The following RFC3 variants were observed in gnomAD, a reference collection of about 807,000 sequenced individuals.
The protein encoded by RFC3 is A1 38 kDa subunit.
A neutral mutation model predicts 45.1 loss-of-function variants in RFC3; 41 were observed. The ratio of observed to expected loss-of-function variants is 0.91; its 90% CI spans 0.71 to 1.18. RFC3 has a LOEUF of 1.18. Ranked by LOEUF, RFC3 falls within the 50% of genes most tolerant of loss-of-function variation. RFC3 has a pLI of 0.00. For missense variants in RFC3, 423 were observed against 428.1 expected, an observed-to-expected ratio of 0.99 and a Z score of 0.10; for synonymous variants, 149 against 144.0, an observed-to-expected ratio of 1.03 and a Z score of -0.25.
intron 8 of RFC3, among the ~76,000 whole-genome samples, chr13:33,943,380 C>G (rs2082936271): frequency 6.6e-6 from 1 of 152,156 alleles, no homozygotes; most frequent in Admixed American, 6.5e-5. Flanking sequence ...TGACTTAAAA[C>G]ATCATACATA....
intron 8 of RFC3, among the ~76,000 whole-genome samples, chr13:33,935,250 T>C (rs998875035): frequency 3.9e-5 from 6 of 152,066 alleles, no homozygotes; most frequent in African/African-American, 1.4e-4. Context: ...AACTGGAAAA[T>C]GTAAAAATGC....
downstream of RFC3, among the ~76,000 whole-genome samples, chr13:33,840,988 G>A (rs2082194238): frequency 6.6e-6 from 1 of 152,184 alleles, no homozygotes; most frequent in African/African-American, 2.4e-5. Flanking sequence ...CCTGTGGCCT[G>A]TTAGGAACTG....
intron 8 of RFC3, among the ~76,000 whole-genome samples, chr13:33,855,893 A>G (rs759496223): frequency 6.6e-6 from 1 of 152,216 alleles, no homozygotes; most frequent in Non-Finnish European, 1.5e-5. Context: ...CATAGTTTGC[A>G]AAAACGTTCT....
At chr13:33,963,212 CTGAGATAT>C (rs1470187129) in intron 8 of RFC3, among the ~76,000 whole-genome samples, 1 of 151,930 alleles carries the variant, frequency 6.6e-6, no homozygotes, top group Non-Finnish European at 1.5e-5. Flanking sequence ...TTTGCAACAG[CTGAGATAT>C]TTATTTTGTT....
At chr13:33,834,298 G>GTGTGTATATATATATATATATATATA (rs1302839326) in intron 7 of RFC3, among the ~76,000 whole-genome samples, 10 of 109,202 alleles carry the variant, frequency 9.2e-5, no homozygotes, top group East Asian at 3.0e-4. Context: ...TGTACTGTGT[G>GTGTGTATATATATATATATATATATA]TATATATATA....
intron 1 of RFC3, 58 bp from the exon 2 acceptor site, chr13:33,821,074 G>A (rs1328143894): frequency 2.6e-6 from 4 of 1,551,968 alleles, no homozygotes; most frequent in South Asian, 2.4e-5. Context: ...AAGTAGTTTG[G>A]TTCTACCTAG....
chr13:33,872,403 G>C (rs912595447), intron 8 of RFC3, among the ~76,000 whole-genome samples: 1 of 152,144 alleles, frequency 6.6e-6, no homozygotes, highest in Admixed American at 6.5e-5. Flanking sequence ...AACTTTACCA[G>C]TCTCCAAATA....
At chr13:33,941,160 A>G (rs544159723) in intron 8 of RFC3, among the ~76,000 whole-genome samples, 2 of 152,256 alleles carry the variant, frequency 1.3e-5, no homozygotes, top group African/African-American at 2.4e-5. Flanking sequence ...TCTCTTCAGC[A>G]GGGGTAGTAA....
At chr13:33,875,037 C>T (rs2082437415) in intron 8 of RFC3, among the ~76,000 whole-genome samples, 1 of 152,210 alleles carries the variant, frequency 6.6e-6, no homozygotes, top group Admixed American at 6.5e-5. Context: ...TACCCGGCGT[C>T]TTCCAAAAGG....
chr13:33,972,300 G>A, the RFC3 span, among the ~76,000 whole-genome samples: 1 of 151,964 alleles, frequency 6.6e-6, no homozygotes, highest in African/African-American at 2.4e-5. Context: ...TATGCACAGA[G>A]TCCAACTACA....
chr13:33,876,889 CTT>C (rs1259844717), intron 8 of RFC3, among the ~76,000 whole-genome samples: 1 of 152,218 alleles, frequency 6.6e-6, no homozygotes, highest in African/African-American at 2.4e-5. Context: ...GGTTTGCTCT[CTT>C]TCTGTTCAGA....
At chr13:33,948,640 C>G (rs540693678) in intron 8 of RFC3, among the ~76,000 whole-genome samples, 3 of 152,318 alleles carry the variant, frequency 2.0e-5, no homozygotes, top group African/African-American at 7.2e-5. Context: ...AGGGGCTGTA[C>G]CCTGCAAAGC....
At chr13:33,971,161 G>GA (rs947663025), downstream of RFC3, among the ~76,000 whole-genome samples, 4 of 152,136 alleles carry the variant, frequency 2.6e-5, no homozygotes, top group African/African-American at 7.2e-5. Flanking sequence ...GAAAACAGAA[G>GA]AAAAAAACCT....
downstream of RFC3, among the ~76,000 whole-genome samples, chr13:33,966,928 A>G (rs2137880149): frequency 6.6e-6 from 1 of 152,150 alleles, no homozygotes; most frequent in South Asian, 2.1e-4. Flanking sequence ...AGGTCAAGGC[A>G]GGCATATCAC....
At chr13:33,920,353 G>A (rs1484684656) in intron 8 of RFC3, among the ~76,000 whole-genome samples, 1 of 151,186 alleles carries the variant, frequency 6.6e-6, no homozygotes, top group Non-Finnish European at 1.5e-5. Context: ...TGGGGAGAGA[G>A]CTCTTTAGGA....
chr13:33,818,383 G>A lies in RFC3; in HGVS notation c.87+118G>A, dbSNP rs3135534. On this transcript the variant is annotated intron_variant, in intron 1 of 8. Coordinates refer to ENST00000380071, the MANE Select transcript of RFC3 (RefSeq NM_002915.4). ...ATTGGAAGGTGATAAGTGCTATGGA[G>A]AAAAATAACACAGGGAAGGGGGAAG... is the stretch of plus-strand genomic sequence containing the variant. The A allele has an allele frequency of 3.3e-3, 2,395 of 718,590 alleles. 34 individuals are homozygous for A. Among genetic ancestry groups the A allele is most frequent in the African/African-American group, 0.028 (1,587 of 56,324 alleles). 44.5% of individuals were successfully genotyped at this position (718,590 alleles called of 1,614,324 possible). A position where few individuals can be genotyped will look rare whatever the true frequency, so the allele number is the denominator to read the frequency against.
rs372638132 is a variant in RFC3, at chr13:33,836,323, T to C, written c.*28T>C. 1 of 1,609,596 alleles carries C rather than the reference T, an allele frequency of 6.2e-7. No homozygotes were observed. Among genetic ancestry groups the C allele is most frequent in the Non-Finnish European group, 8.5e-7 (1 of 1,176,654 alleles). On this transcript the variant is annotated 3_prime_UTR_variant, in exon 9 of 9. Transcript: ENST00000380071. ...TCTGTCAGTTATTCTTGCAAAGATT[T>C]CTCAGTATCAGTATTTACATACAGC...
intron 8 of RFC3, among the ~76,000 whole-genome samples, chr13:33,890,586 G>A (rs866388714): frequency 5.9e-5 from 9 of 152,044 alleles, no homozygotes; most frequent in African/African-American, 1.2e-4. Context: ...ACCTCTCTTC[G>A]GAAAATCTAT....
chr13:33,819,731 A>G (rs533986975), intron 1 of RFC3, among the ~76,000 whole-genome samples: 24 of 152,358 alleles, frequency 1.6e-4, no homozygotes, highest in African/African-American at 4.8e-4. Context: ...TTTGTTGTAC[A>G]GAATTTGGAA....
Sources: allele counts gnomAD v4.1 joint callset (sites outside exome capture counted in the v4.1 genomes callset), GRCh38; gene constraint gnomAD v4.1.1; transcripts MANE v1.5; gene names NCBI Gene and HGNC (gene_info 2026-07-23, HGNC 2026-07-21).